KAZN: variants seen among roughly 807,000 people sequenced by gnomAD.
The protein encoded by KAZN is kazrin.
KAZN carries 40 observed loss-of-function variants against 87.4 expected under a neutral mutation model. The ratio of observed to expected loss-of-function variants is 0.46; its 90% CI spans 0.36 to 0.60. The LOEUF is 0.60. Among genes scored for constraint, KAZN ranks in the 20% least tolerant of loss-of-function variants. KAZN has a pLI of 0.00. For synonymous variants in KAZN, 466 were observed against 458.3 expected (o/e 1.02, Z -0.22); for missense variants, 898 against 1,073.9 (o/e 0.84, Z 2.29).
intron 2 of KAZN, among the ~76,000 whole-genome samples, chr1:14,284,898 A>AG (rs1478388820): frequency 6.6e-6 from 1 of 152,214 alleles, no homozygotes; most frequent in Non-Finnish European, 1.5e-5. Context: ...ACTCTTACAA[A>AG]TCTTCCCTAC....
At chr1:14,864,360 C>G (rs773218816) in intron 1 of KAZN, among the ~76,000 whole-genome samples, 1 of 151,946 alleles carries the variant, frequency 6.6e-6, no homozygotes, top group South Asian at 2.1e-4. Context: ...GTCAGGAGTT[C>G]GAGACCAGCC....
At chr1:14,883,556 G>T (rs562291194) in intron 1 of KAZN, among the ~76,000 whole-genome samples, 1 of 148,114 alleles carries the variant, frequency 6.8e-6, no homozygotes, top group Non-Finnish European at 1.5e-5. Flanking sequence ...ATCTTCACAC[G>T]CTCCTCCCAT....
At chr1:14,793,371 G>A (rs1177261670) in intron 1 of KAZN, among the ~76,000 whole-genome samples, 2 of 152,084 alleles carry the variant, frequency 1.3e-5, no homozygotes, top group African/African-American at 2.4e-5. Context: ...CTTGTGCTTC[G>A]TGGCTGACTT....
Position 15,099,071 on chromosome 1 carries a change from A to C in KAZN, c.1548-2472A>C, listed in dbSNP as rs771868168. 4.6e-5 allele frequency among the ~76,000 whole-genome samples: 7 copies of C among 152,124 alleles called. No individual in the cohort carries two copies. The East Asian group carries it at 1.4e-3, about 29-fold the overall frequency. ...TGACATCTTGGAAGGCTTCCGGGAGACCAGACGTCTCTGCAGAGTCCATAG... is the reference window on the plus strand; with the variant it reads ...TGACATCTTGGAAGGCTTCCGGGAGCCCAGACGTCTCTGCAGAGTCCATAG... On this transcript the variant is annotated intron_variant, in intron 10 of 14. Coordinates refer to ENST00000376030, the MANE Select transcript of KAZN (RefSeq NM_201628.3). This position sits in a 1 kb window ranked among gnomAD's most constrained non-coding sequence, Gnocchi z 5.4.
chr1:14,090,598 G>A (rs143105851), intron 1 of KAZN, among the ~76,000 whole-genome samples: 72 of 152,240 alleles, frequency 4.7e-4, no homozygotes, highest in Middle Eastern at 6.8e-3. Flanking sequence ...TTCTGAGTCT[G>A]TTTATACTGG....
chr1:14,201,240 C>T (rs983263551), intron 2 of KAZN, among the ~76,000 whole-genome samples: 1 of 152,178 alleles, frequency 6.6e-6, no homozygotes, highest in Non-Finnish European at 1.5e-5. Flanking sequence ...CGTCTTTCCT[C>T]TTTCCTTTTC....
At chr1:15,014,561 G>A (rs563851642) in intron 2 of KAZN, among the ~76,000 whole-genome samples, 58 of 152,250 alleles carry the variant, frequency 3.8e-4, no homozygotes, top group East Asian at 3.3e-3. Flanking sequence ...TTTCCAGCAC[G>A]TTGGAAAAGC....
chr1:14,575,413 C>T (rs1675118869), intron 2 of KAZN, among the ~76,000 whole-genome samples: 1 of 152,120 alleles, frequency 6.6e-6, no homozygotes, highest in Admixed American at 6.5e-5. Flanking sequence ...AGGGGTTTCC[C>T]TTTATAAAAC....
At position 14,941,209 on chromosome 1, in the gene KAZN, A is replaced by G. The variant is rs117542104; in HGVS notation, c.227-19475A>G. Reference sequence around the variant, plus strand: ...TCTGGGATTACAGGCGTGAGCCACCACGCCCGTCTTCATTCACCTTTTCTG... The same window carrying G: ...TCTGGGATTACAGGCGTGAGCCACCGCGCCCGTCTTCATTCACCTTTTCTG... On this transcript the variant is annotated intron_variant, in intron 1 of 14. Transcript: ENST00000376030. 1.1e-4 allele frequency among the ~76,000 whole-genome samples: 16 copies of G among 151,984 alleles called. No homozygotes were observed. The East Asian group carries it at 3.1e-3, about 29-fold the overall frequency.
intron 1 of KAZN, among the ~76,000 whole-genome samples, chr1:14,730,998 G>A (rs1225193113): frequency 3.3e-5 from 5 of 152,140 alleles, no homozygotes; most frequent in East Asian, 3.9e-4. Context: ...CCTATTAGCC[G>A]GGGAGAAGGC....
chr1:14,348,644 G>A (rs896427512), intron 2 of KAZN, among the ~76,000 whole-genome samples: 10 of 152,174 alleles, frequency 6.6e-5, no homozygotes, highest in Non-Finnish European at 1.0e-4. Flanking sequence ...ACGCGAAGAG[G>A]GGGATAGTTC....
In KAZN at chr1:15,101,700, G is replaced by A. The variant is rs779960555; in HGVS notation, c.1705G>A (p.Val569Met). 3.8e-6 allele frequency: 6 copies of A among 1,595,980 alleles called. No homozygotes were observed. The East Asian group carries it at 6.8e-5, about 18-fold the overall frequency. ...MKRDLEKHLN[V>M]SKKFHQVSIL... ...GCGAGACCTGGAGAAGCACCTGAAC[G>A]TGTCCAAGAAGTTCCACCAGGTCAG... The change falls in exon 11 of 15, where the codon GTG (valine) becomes ATG (methionine). Residue 569 changes from valine to methionine, a missense_variant. Coordinates refer to ENST00000376030, the MANE Select transcript of KAZN (RefSeq NM_201628.3).
intron 1 of KAZN, among the ~76,000 whole-genome samples, chr1:14,679,824 A>G (rs1048694965): frequency 6.6e-6 from 1 of 151,776 alleles, no homozygotes; most frequent in Non-Finnish European, 1.5e-5. Context: ...ATGCTCCACC[A>G]CTGGGGCGCC....
chr1:14,788,635 C>A (rs1645581559), intron 1 of KAZN, among the ~76,000 whole-genome samples: 1 of 152,154 alleles, frequency 6.6e-6, no homozygotes, highest in South Asian at 2.1e-4. Context: ...GCACCAGGCA[C>A]CAAAGGGCCT....
chr1:14,342,073 A>C (rs1047038450), intron 2 of KAZN, among the ~76,000 whole-genome samples: 18 of 152,296 alleles, frequency 1.2e-4, no homozygotes, highest in East Asian at 5.8e-4. Context: ...ATAAATGAGA[A>C]CATGTGGTAT....
At chr1:14,366,633 G>A (rs1325382323) in intron 2 of KAZN, among the ~76,000 whole-genome samples, 3 of 152,216 alleles carry the variant, frequency 2.0e-5, no homozygotes, top group East Asian at 3.9e-4. Flanking sequence ...GCACTTTTGT[G>A]TGCCAGCGGG....
At chr1:14,907,520 G>A (rs549739963) in intron 1 of KAZN, among the ~76,000 whole-genome samples, 38 of 152,134 alleles carry the variant, frequency 2.5e-4, no homozygotes, top group African/African-American at 8.4e-4. Context: ...AGCTTGAGAC[G>A]CCTTCTGAAA....
intron 1 of KAZN, among the ~76,000 whole-genome samples, chr1:13,959,204 T>C (rs1395612066): frequency 1.3e-5 from 2 of 152,174 alleles, no homozygotes; most frequent in Admixed American, 6.5e-5. Flanking sequence ...CAGGTGAGGA[T>C]GTAGCCGAGA....
intron 1 of KAZN, among the ~76,000 whole-genome samples, chr1:14,006,360 G>A (rs1640037314): frequency 6.6e-6 from 1 of 152,216 alleles, no homozygotes; most frequent in Non-Finnish European, 1.5e-5. Flanking sequence ...TTTACTCATG[G>A]CAGATGACAA....
Sources: gnomAD v4.1 joint callset for allele counts (sites outside exome capture counted in the v4.1 genomes callset) on GRCh38, gnomAD v4.1.1 for gene constraint, Gnocchi (gnomAD v3.1) non-coding constraint, MANE v1.5 for transcripts, NCBI Gene and HGNC (gene_info 2026-07-23, HGNC 2026-07-21) for gene names.